The following VAMP3 variants were observed in gnomAD, a reference collection of about 807,000 sequenced individuals.
VAMP3 encodes the protein vesicle associated membrane protein 3.
Under a neutral mutation model 18.1 loss-of-function variants are expected in VAMP3, and 11 were observed. The ratio of observed to expected loss-of-function variants is 0.61; its 90% confidence interval spans 0.38 to 1.00. The LOEUF is 1.00. VAMP3 is among the 50% of genes least tolerant of loss of function. The pLI, the probability that VAMP3 is intolerant of heterozygous loss-of-function variation, is 0.01. For missense variants in VAMP3, 122 were observed against 127.3 expected (o/e 0.96, Z 0.20); for synonymous variants, 49 against 43.1 (o/e 1.14, Z -0.53).
Position 7,773,641 on chromosome 1 carries a change from T to G in VAMP3, c.72+130T>G, listed in dbSNP as rs946611009. On this transcript the variant is annotated intron_variant, in intron 2 of 4. Coordinates refer to ENST00000054666, the MANE Select transcript of VAMP3 (RefSeq NM_004781.4). ...GACTGTATCATAATTGTAACGAAAC[T>G]TTGCTCCCTGCTGTGCTGGAAGATC... is the stretch of plus-strand genomic sequence containing the variant. The G allele has an allele frequency of 4.5e-6, 4 of 882,062 alleles. No individual in the cohort carries two copies. In the Admixed American group the frequency reaches 7.5e-5, roughly 17 times the overall value. 54.6% of individuals were successfully genotyped at this position (882,062 alleles called of 1,614,324 possible). A position where few individuals can be genotyped will look rare whatever the true frequency, so the allele number is the denominator to read the frequency against.
chr1:7,773,392 A>C (rs1409104513), intron 1 of VAMP3, 50 bp from the exon 2 acceptor site: 1 of 1,474,000 alleles, frequency 6.8e-7, no homozygotes, highest in East Asian at 2.3e-5. Flanking sequence ...ACTTAAGAAA[A>C]TGTATTTGGA....
At chr1:7,772,643 C>G (rs888244651) in intron 1 of VAMP3, 3 of 152,232 alleles carry the variant, frequency 2.0e-5, no homozygotes, top group Non-Finnish European at 2.9e-5. Context: ...AATCCCAGCA[C>G]TTTGGGAGGC....
Position 7,781,002 on chromosome 1 carries a change from C to T in VAMP3, c.*1357C>T, listed in dbSNP as rs1172008459. The stretch of plus-strand genomic sequence containing the variant: ...ATGAAAGAAAACAGGCAAGGAGGCA[C>T]TGAGGGAGAAAGACACAGACTTTAT... On this transcript the variant is annotated 3_prime_UTR_variant, in exon 5 of 5. Transcript: ENST00000054666. The T allele has an allele frequency of 6.5e-6, 1 of 152,806 alleles. No individual in the cohort carries two copies. The highest frequency in any genetic ancestry group is 1.5e-5 in the Non-Finnish European group (1 of 68,060). 9.5% of individuals were successfully genotyped at this position (152,806 alleles called of 1,614,324 possible).
At position 7,781,009 on chromosome 1, in the gene VAMP3, A is replaced by G. The variant is rs2097056828; in HGVS notation, c.*1364A>G. The G allele has an allele frequency of 1.3e-5, 2 of 152,832 alleles. No individual in the cohort carries two copies. Among genetic ancestry groups the G allele is most frequent in the African/African-American group, 4.8e-5 (2 of 41,464 alleles). 9.5% of individuals were successfully genotyped at this position (152,832 alleles called of 1,614,324 possible). A position where few individuals can be genotyped will look rare whatever the true frequency, so the allele number is the denominator to read the frequency against. The stretch of plus-strand genomic sequence containing the variant: ...AAAACAGGCAAGGAGGCACTGAGGG[A>G]GAAAGACACAGACTTTATCGCTCTG... On this transcript the variant is annotated 3_prime_UTR_variant, in exon 5 of 5. Coordinates refer to ENST00000054666, the MANE Select transcript of VAMP3 (RefSeq NM_004781.4).
In VAMP3 at chr1:7,771,398, A is replaced by G. The variant is rs1161408452; in HGVS notation, c.2+13A>G. 1.3e-6 allele frequency: 2 copies of G among 1,579,424 alleles called. No homozygotes were observed. The highest frequency in any genetic ancestry group is 2.4e-5 in the East Asian group (1 of 41,284). On this transcript the variant is annotated intron_variant, in intron 1 of 4. Transcript: ENST00000054666. ...CAGCTGCCAAAATGTGAGTGACGCT[A>G]CGCGACGCGGGCGGCTTCGGGCCCC...
At chr1:7,773,168 A>G (rs34177663) in intron 1 of VAMP3, 48,583 of 403,924 alleles carry the variant, frequency 0.12, 3,922 homozygotes, top group Non-Finnish European at 0.15. Context: ...GAGCTTACCT[A>G]TCGTGGGATC....
At chr1:7,771,788 C>T (rs1292873999) in intron 1 of VAMP3, among the ~76,000 whole-genome samples, 4 of 152,280 alleles carry the variant, frequency 2.6e-5, no homozygotes, top group Admixed American at 1.3e-4. Flanking sequence ...AGGACCTCGG[C>T]CCTGTCCTGA....
chr1:7,773,172 T>C, intron 1 of VAMP3: 1 of 416,668 alleles, frequency 2.4e-6, no homozygotes, highest in Non-Finnish European at 4.4e-6. Flanking sequence ...TTACCTATCG[T>C]GGGATCAGAT....
intron 4 of VAMP3, among the ~76,000 whole-genome samples, chr1:7,778,498 C>T (rs1040878254): frequency 1.3e-5 from 2 of 151,862 alleles, no homozygotes; most frequent in African/African-American, 4.8e-5. Context: ...CATGCCACTG[C>T]CCTCTAGTCT....
chr1:7,778,211 A>G lies in VAMP3; in HGVS notation c.283+42A>G, dbSNP rs375099451. The G allele has an allele frequency of 5.6e-6, 9 of 1,601,044 alleles. No individual in the cohort carries two copies. The African/African-American group carries it at 1.2e-4, about 21-fold the overall frequency. On this transcript the variant is annotated intron_variant, in intron 4 of 4. Coordinates refer to ENST00000054666, the MANE Select transcript of VAMP3 (RefSeq NM_004781.4). ...TAAACTGATTGGAAAAGTCTTCTCC[A>G]TGTGTTCACAGACCATTGATTTTGT... is the stretch of plus-strand genomic sequence containing the variant.
At chr1:7,779,012 G>A (rs1048832259) in intron 4 of VAMP3, among the ~76,000 whole-genome samples, 3 of 152,066 alleles carry the variant, frequency 2.0e-5, no homozygotes, top group Non-Finnish European at 2.9e-5. Context: ...TGGCTAACAC[G>A]GTGAAACCCC....
At chr1:7,778,456 C>T (rs1364350225) in intron 4 of VAMP3, among the ~76,000 whole-genome samples, 1 of 151,954 alleles carries the variant, frequency 6.6e-6, no homozygotes, top group African/African-American at 2.4e-5. Context: ...ATTGCTTGAG[C>T]CCAGGAATTC....
intron 1 of VAMP3, 33 bp downstream of exon 1, chr1:7,771,418 G>T: frequency 1.3e-6 from 2 of 1,547,066 alleles, no homozygotes; most frequent in East Asian, 2.6e-5. Flanking sequence ...GGCGGCTTCG[G>T]GCCCCGCAGG....
At chr1:7,775,346 T>TA (rs2150365851) in intron 2 of VAMP3, among the ~76,000 whole-genome samples, 1 of 152,132 alleles carries the variant, frequency 6.6e-6, no homozygotes, top group East Asian at 1.9e-4. Context: ...TTATTTTTTT[T>TA]ATTTTTATTT....
chr1:7,777,218 C>G lies in VAMP3; in HGVS notation c.131C>G (p.Ser44Cys), dbSNP rs1376592951. 2 of 1,613,800 alleles carry G rather than the reference C, an allele frequency of 1.2e-6. No individual in the cohort carries two copies. Among genetic ancestry groups the G allele is most frequent in the Non-Finnish European group, 1.7e-6 (2 of 1,179,954 alleles). ...GTTCTGGAAAGAGACCAGAAGCTCT[C>G]TGAGTTAGACGACCGTGCAGACGCA... ...DKVLERDQKLSELDDRADALQ... is the reference protein window; with the variant it reads ...DKVLERDQKLCELDDRADALQ... Residue 44 changes from serine to cysteine, a missense_variant, in exon 3 of 5, where the codon TCT becomes TGT. Ser to Cys is a moderately radical substitution (Grantham distance 112). Transcript: ENST00000054666.
chr1:7,773,563 T>C (rs2097052526), intron 2 of VAMP3, 52 bp downstream of exon 2: 1 of 1,480,830 alleles, frequency 6.8e-7, no homozygotes, highest in Non-Finnish European at 9.4e-7. Flanking sequence ...ATGAGTACTC[T>C]GGAAATCTGT....
At chr1:7,778,691 A>G (rs2097055579) in intron 4 of VAMP3, among the ~76,000 whole-genome samples, 1 of 152,184 alleles carries the variant, frequency 6.6e-6, no homozygotes, top group Admixed American at 6.5e-5. Context: ...TTCTCTGAAT[A>G]TATTTTTTTC....
chr1:7,773,245 A>G (rs2097052312), intron 1 of VAMP3, 197 bp from the exon 2 acceptor site: 1 of 573,698 alleles, frequency 1.7e-6, no homozygotes, highest in Non-Finnish European at 3.2e-6. Flanking sequence ...TAGGTGGGAC[A>G]GTCTTGGAAA....
chr1:7,779,592 T>G, intron 4 of VAMP3, 34 bp from the exon 5 acceptor site: 3 of 1,614,130 alleles, frequency 1.9e-6, no homozygotes, highest in Non-Finnish European at 2.5e-6. Flanking sequence ...ACCTGCTGTT[T>G]CCCCTGCCTT....
Sources: gnomAD v4.1 joint callset for allele counts (sites outside exome capture counted in the v4.1 genomes callset) on GRCh38, gnomAD v4.1.1 for gene constraint, MANE v1.5 for transcripts, NCBI Gene and HGNC (gene_info 2026-07-23, HGNC 2026-07-21) for gene names.